The following RNF138 variants were observed in gnomAD, a reference collection of about 807,000 sequenced individuals.
RNF138 encodes the protein E3 ubiquitin-protein ligase RNF138.
RNF138 carries 12 observed loss-of-function variants against 31.0 expected under a neutral mutation model. The ratio of observed to expected loss-of-function variants is 0.39; its 90% CI spans 0.25 to 0.63. RNF138 has a LOEUF of 0.63. RNF138 is among the 20% of genes least tolerant of loss of function. The probability of loss-of-function intolerance (pLI) is 0.52; values close to 1 mark genes in which losing one functional copy is unlikely to be tolerated. For missense variants in RNF138, 192 were observed against 300.1 expected (o/e 0.64, Z 2.66); for synonymous variants, 105 against 99.5 (o/e 1.06, Z -0.33).
At position 32,131,200 on chromosome 18, in the gene RNF138, T is replaced by C. The variant is rs546435273; in HGVS notation, c.*2013T>C. 6.6e-5 allele frequency: 10 copies of C among 152,302 alleles called. No homozygotes were observed. The highest frequency in any genetic ancestry group is 2.1e-4 in the South Asian group (1 of 4,828). 9.4% of individuals were successfully genotyped at this position (152,302 alleles called of 1,614,324 possible). A position where few individuals can be genotyped will look rare whatever the true frequency, so the allele number is the denominator to read the frequency against. ...GTTTTGTGAATGAGTTAAATATCATTGATAGTCTTGTGTGTCTCACATATC... is the reference window on the plus strand; with the variant it reads ...GTTTTGTGAATGAGTTAAATATCATCGATAGTCTTGTGTGTCTCACATATC... On this transcript the variant is annotated 3_prime_UTR_variant, in exon 8 of 8. Coordinates refer to ENST00000261593, the MANE Select transcript of RNF138 (RefSeq NM_016271.5).
chr18:32,119,205 G>T (rs1049444191), intron 4 of RNF138, among the ~76,000 whole-genome samples: 3 of 152,010 alleles, frequency 2.0e-5, no homozygotes, highest in Admixed American at 1.3e-4. Context: ...GATTTTTTCT[G>T]GGGGAGGGGC....
intron 6 of RNF138, 145 bp from the exon 7 acceptor site, chr18:32,126,548 G>T (rs1424962657): frequency 1.2e-5 from 6 of 512,070 alleles, no homozygotes; most frequent in Non-Finnish European, 2.1e-5. Context: ...ATTGGGAAAT[G>T]ATCTAGTCAT....
chr18:32,130,854 A>G lies in RNF138; in HGVS notation c.*1667A>G, dbSNP rs1173614659. On this transcript the variant is annotated 3_prime_UTR_variant, in exon 8 of 8. Coordinates refer to ENST00000261593, the MANE Select transcript of RNF138 (RefSeq NM_016271.5). ...GTCATTTTAAAGAGTGGTGTTTACT[A>G]TGTGTGTGCTTGAGCATTTTCTTTC... 6.6e-6 allele frequency: 1 copy of G among 152,468 alleles called. No individual in the cohort carries two copies. Among genetic ancestry groups the G allele is most frequent in the Non-Finnish European group, 1.5e-5 (1 of 67,898 alleles). 9.4% of individuals were successfully genotyped at this position (152,468 alleles called of 1,614,324 possible). A position where few individuals can be genotyped will look rare whatever the true frequency, so the allele number is the denominator to read the frequency against.
chr18:32,115,964 T>C (rs1423509973), intron 4 of RNF138, among the ~76,000 whole-genome samples: 1 of 152,224 alleles, frequency 6.6e-6, no homozygotes, highest in Non-Finnish European at 1.5e-5. Flanking sequence ...GGAGCCGGAA[T>C]GCTGGGTTCA....
At chr18:32,106,028 C>A (rs2040022445) in intron 2 of RNF138, among the ~76,000 whole-genome samples, 1 of 152,202 alleles carries the variant, frequency 6.6e-6, no homozygotes, top group African/African-American at 2.4e-5. Flanking sequence ...CTTGGAATAC[C>A]TATTGCATGT....
chr18:32,102,204 T>TC (rs1389410530), intron 2 of RNF138, among the ~76,000 whole-genome samples: 1 of 133,856 alleles, frequency 7.5e-6, no homozygotes, highest in East Asian at 2.2e-4. Context: ...TCTTTTTTTT[T>TC]TTTTTTTTTT....
At chr18:32,110,743 T>G (rs931076535) in intron 2 of RNF138, among the ~76,000 whole-genome samples, 2 of 152,130 alleles carry the variant, frequency 1.3e-5, no homozygotes, top group South Asian at 4.1e-4. Context: ...TAAAAAGATT[T>G]TAGTTTGATT....
intron 2 of RNF138, among the ~76,000 whole-genome samples, chr18:32,097,370 TCTA>T (rs1413200351): frequency 6.6e-6 from 1 of 152,220 alleles, no homozygotes. Context: ...AAAATGAACT[TCTA>T]CTTCTTGTTA....
At chr18:32,108,554 A>G (rs1461499964) in intron 2 of RNF138, among the ~76,000 whole-genome samples, 1 of 152,196 alleles carries the variant, frequency 6.6e-6, no homozygotes, top group Non-Finnish European at 1.5e-5. Flanking sequence ...TACCATAATT[A>G]GTTATGCATT....
At chr18:32,108,045 G>A (rs1052386197) in intron 2 of RNF138, among the ~76,000 whole-genome samples, 6 of 151,302 alleles carry the variant, frequency 4.0e-5, no homozygotes, top group African/African-American at 1.2e-4. Flanking sequence ...AGTATAGATG[G>A]AGTTTTGCCA....
At chr18:32,097,944 ATGTGTGTGTGTGTGTG>A (rs34814991) in intron 2 of RNF138, among the ~76,000 whole-genome samples, 11 of 87,328 alleles carry the variant, frequency 1.3e-4, no homozygotes, top group Non-Finnish European at 2.6e-4. Flanking sequence ...GTATGTATAT[ATGTGTGTGTGTGTGTG>A]TGTGTGTGTG....
At chr18:32,111,105 C>T (rs1598854976) in intron 2 of RNF138, among the ~76,000 whole-genome samples, 1 of 152,220 alleles carries the variant, frequency 6.6e-6, no homozygotes, top group African/African-American at 2.4e-5. Context: ...TTAAGTATTT[C>T]TCAAATTATG....
At chr18:32,101,016 C>T (rs1337246949) in intron 2 of RNF138, among the ~76,000 whole-genome samples, 1 of 152,068 alleles carries the variant, frequency 6.6e-6, no homozygotes, top group Non-Finnish European at 1.5e-5. Flanking sequence ...GTATCGATGA[C>T]CCTTTCTTTA....
chr18:32,101,788 C>G (rs574036397), intron 2 of RNF138, among the ~76,000 whole-genome samples: 1 of 152,160 alleles, frequency 6.6e-6, no homozygotes, highest in South Asian at 2.1e-4. Context: ...CATTTTTATG[C>G]TATTTTAATA....
chr18:32,097,335 G>T (rs568805751), intron 2 of RNF138, among the ~76,000 whole-genome samples: 1 of 152,124 alleles, frequency 6.6e-6, no homozygotes, highest in East Asian at 1.9e-4. Flanking sequence ...TTGCTTTTAG[G>T]CCTCTCTGTA....
At chr18:32,098,702 A>C (rs2039859885) in intron 2 of RNF138, among the ~76,000 whole-genome samples, 1 of 151,898 alleles carries the variant, frequency 6.6e-6, no homozygotes, top group Non-Finnish European at 1.5e-5. Flanking sequence ...AATACAAAAA[A>C]ATTAGCCGGG....
Position 32,129,482 on chromosome 18 carries a change from CATT to C in RNF138, c.*301_*303del, listed in dbSNP as rs36074374. 0.43 allele frequency: 102,395 copies of C among 235,504 alleles called. 24,363 individuals are homozygous for C. Among genetic ancestry groups the C allele is most frequent in the East Asian group, 0.65 (7,336 of 11,286 alleles). 14.6% of individuals were successfully genotyped at this position (235,504 alleles called of 1,614,324 possible). ...TTTGTAATATTATTTTTGAATTTTT[CATT>C]ATTATGTTGCTTTTGAAATTTGATG... On this transcript the variant is annotated 3_prime_UTR_variant, in exon 8 of 8. Coordinates refer to ENST00000261593, the MANE Select transcript of RNF138 (RefSeq NM_016271.5).
chr18:32,113,188 C>G (rs925726551), intron 3 of RNF138, among the ~76,000 whole-genome samples: 1 of 152,028 alleles, frequency 6.6e-6, no homozygotes, highest in African/African-American at 2.4e-5. Flanking sequence ...ATCCTCCTGC[C>G]TCAGCCCCAC....
chr18:32,104,602 TCAA>T (rs2039998703), intron 2 of RNF138, among the ~76,000 whole-genome samples: 1 of 151,976 alleles, frequency 6.6e-6, no homozygotes, highest in African/African-American at 2.4e-5. Flanking sequence ...CAGACAAAAA[TCAA>T]CAACATATCT....
Sources: allele counts gnomAD v4.1 joint callset (sites outside exome capture counted in the v4.1 genomes callset), GRCh38; gene constraint gnomAD v4.1.1; transcripts MANE v1.5; gene names NCBI Gene and HGNC (gene_info 2026-07-23, HGNC 2026-07-21).